The following USO1 variants were observed in gnomAD, a reference collection of about 807,000 sequenced individuals.
USO1 encodes the protein general vesicular transport factor p115.
A neutral mutation model predicts 124.5 loss-of-function variants in USO1; 57 were observed. That is an observed-to-expected ratio of 0.46 (90% confidence interval 0.37 to 0.57). USO1 has a LOEUF of 0.57. Ranked by LOEUF, USO1 falls within the 20% of genes least tolerant of loss-of-function variation. The pLI is 0.00. For missense variants in USO1, 900 were observed against 1,040.6 expected (o/e 0.86, Z 1.86); for synonymous variants, 369 against 362.8 (o/e 1.02, Z -0.19).
chr4:75,807,820 A>C (rs1427210829), intron 20 of USO1, among the ~76,000 whole-genome samples: 1 of 152,146 alleles, frequency 6.6e-6, no homozygotes. Context: ...ATTTTTATAA[A>C]AAGAGAATTG....
At chr4:75,736,132 G>A (rs1720781867) in intron 1 of USO1, among the ~76,000 whole-genome samples, 1 of 151,908 alleles carries the variant, frequency 6.6e-6, no homozygotes, top group South Asian at 2.1e-4. Context: ...CTTTACTCCT[G>A]TCACCAATTT....
chr4:75,808,385 A>G (rs1368801983), intron 20 of USO1, among the ~76,000 whole-genome samples: 1 of 152,200 alleles, frequency 6.6e-6, no homozygotes, highest in African/African-American at 2.4e-5. Flanking sequence ...GATGCCTAAG[A>G]TTGAGACAGG....
intron 1 of USO1, among the ~76,000 whole-genome samples, chr4:75,738,106 T>C (rs888151575): frequency 3.3e-5 from 5 of 151,846 alleles, no homozygotes; most frequent in African/African-American, 1.2e-4. Context: ...GTGCTGGGAT[T>C]ATAGGTATGA....
intron 4 of USO1, 21 bp from the exon 5 acceptor site, chr4:75,770,418 C>A: frequency 6.7e-7 from 1 of 1,502,098 alleles, no homozygotes; most frequent in South Asian, 1.3e-5. Flanking sequence ...AATTGAAATT[C>A]TTTATTTTTG....
At chr4:75,793,932 T>C in intron 13 of USO1, 31 bp downstream of exon 13, 1 of 1,612,768 alleles carries the variant, frequency 6.2e-7, no homozygotes, top group East Asian at 2.2e-5. Flanking sequence ...AAAAGTTCTA[T>C]ACATTTTGAT....
chr4:75,800,532 T>TTTC (rs1722815356), intron 15 of USO1, 63 bp downstream of exon 15: 3 of 1,525,862 alleles, frequency 2.0e-6, no homozygotes, highest in South Asian at 2.6e-5. Context: ...TTTTTTTTTT[T>TTTC]TGCCAAAGCA....
rs766086131 is a variant in USO1, at chr4:75,813,244, G to A, written c.2838G>A (p.Glu946=). The A allele has an allele frequency of 6.2e-7, 1 of 1,611,290 alleles. No homozygotes were observed. Among genetic ancestry groups the A allele is most frequent in the South Asian group, 1.1e-5 (1 of 90,466 alleles). Residue 946 remains glutamate (E), a synonymous_variant, in exon 24 of 24, where the codon GAG becomes GAA. Transcript: ENST00000514213. The part of the protein sequence containing the change: ...EEDELESGDQ[E]DEDDESEDPG... Reference sequence around the variant, plus strand: ...ATGAACTTGAATCTGGAGACCAAGAGGATGAGGATGATGAAAGTGAAGATC... The same window carrying A: ...ATGAACTTGAATCTGGAGACCAAGAAGATGAGGATGATGAAAGTGAAGATC...
At chr4:75,768,456 T>C (rs548794491) in intron 4 of USO1, among the ~76,000 whole-genome samples, 1 of 152,292 alleles carries the variant, frequency 6.6e-6, no homozygotes, top group East Asian at 1.9e-4. Context: ...TATCTATTAA[T>C]AGAAATACAA....
At chr4:75,788,522 ATTTTCTTTTCTTTTC>A (rs1274358872) in intron 10 of USO1, among the ~76,000 whole-genome samples, 1 of 143,188 alleles carries the variant, frequency 7.0e-6, no homozygotes, top group Non-Finnish European at 1.5e-5. Context: ...ATTTTTCTTA[ATTTTCTTTTCTTTTC>A]TTTTCTTTTC....
rs771045022 is a variant in USO1, at chr4:75,770,899, A to G, written c.474A>G (p.Gln158=). 1.2e-6 allele frequency: 2 copies of G among 1,613,720 alleles called. No individual in the cohort carries two copies. The highest frequency in any genetic ancestry group is 2.2e-5 in the South Asian group (2 of 91,040). ...TAAAACAACTAGGGCCTCAGGTGCA[A>G]CAAATTATTTTAGTCAGTCCTATGG... ...SLLKQLGPQV[Q]QIILVSPMGV... The change falls in exon 6 of 24, where the codon CAA becomes CAG. Residue 158 remains glutamine, a synonymous_variant. Coordinates refer to ENST00000514213, the MANE Select transcript of USO1 (RefSeq NM_003715.4).
At chr4:75,724,960 A>AGGTCACCTCCAGCC (rs762363683) in intron 1 of USO1, 75 bp downstream of exon 1, 2 of 1,537,034 alleles carry the variant, frequency 1.3e-6, no homozygotes. Flanking sequence ...GGAGACCCGA[A>AGGTCACCTCCAGCC]GGTCACCTCC....
At chr4:75,736,154 C>A (rs899074200) in intron 1 of USO1, among the ~76,000 whole-genome samples, 1 of 152,004 alleles carries the variant, frequency 6.6e-6, no homozygotes, top group Non-Finnish European at 1.5e-5. Flanking sequence ...AGTTCTCTTT[C>A]CAGAGATAAC....
intron 1 of USO1, among the ~76,000 whole-genome samples, chr4:75,745,692 G>T (rs1200605818): frequency 6.6e-6 from 1 of 152,130 alleles, no homozygotes; most frequent in South Asian, 2.1e-4. Flanking sequence ...CTGAGGTCAG[G>T]AGTTCAAGAC....
intron 8 of USO1, among the ~76,000 whole-genome samples, chr4:75,778,002 TGAAAA>T (rs1465143209): frequency 2.6e-5 from 4 of 151,954 alleles, no homozygotes; most frequent in South Asian, 2.1e-4. Flanking sequence ...TATTTAGCAA[TGAAAA>T]GAAAAGAGTT....
chr4:75,765,228 A>G (rs1021343134), intron 4 of USO1, among the ~76,000 whole-genome samples: 2 of 152,166 alleles, frequency 1.3e-5, no homozygotes, highest in African/African-American at 4.8e-5. Flanking sequence ...TTGTCTTTTG[A>G]ACATAGATTT....
At chr4:75,806,423 GTTTT>G in intron 19 of USO1, 59 bp from the exon 20 acceptor site, 1 of 1,522,092 alleles carries the variant, frequency 6.6e-7, no homozygotes, top group African/African-American at 1.4e-5. Context: ...GTACAGTTCT[GTTTT>G]TTTTTCTCAT....
intron 1 of USO1, among the ~76,000 whole-genome samples, chr4:75,748,278 T>C (rs1027346840): frequency 7.0e-6 from 1 of 142,280 alleles, no homozygotes; most frequent in Non-Finnish European, 1.5e-5. Context: ...AACCTCCACC[T>C]CCCAGGCTCA....
At chr4:75,732,876 TAAAAAAAAA>T (rs3059597) in intron 1 of USO1, among the ~76,000 whole-genome samples, 2 of 48,182 alleles carry the variant, frequency 4.2e-5, no homozygotes, top group African/African-American at 9.6e-5. Flanking sequence ...AGATTCCATC[TAAAAAAAAA>T]AAAAAAAAAA....
At chr4:75,730,983 G>A (rs1720615357) in intron 1 of USO1, among the ~76,000 whole-genome samples, 1 of 152,064 alleles carries the variant, frequency 6.6e-6, no homozygotes, top group African/African-American at 2.4e-5. Flanking sequence ...TTATTTGGTA[G>A]ACATGTTTCA....
Sources: gnomAD v4.1 joint callset for allele counts (sites outside exome capture counted in the v4.1 genomes callset) on GRCh38, gnomAD v4.1.1 for gene constraint, MANE v1.5 for transcripts, NCBI Gene and HGNC (gene_info 2026-07-23, HGNC 2026-07-21) for gene names.